GRM8: variants seen among roughly 807,000 people sequenced by gnomAD.
The protein encoded by GRM8 is glutamate metabotropic receptor 8, also known as metabotropic glutamate receptor 8.
A neutral mutation model predicts 87.2 loss-of-function variants in GRM8; 47 were observed. The ratio of observed to expected loss-of-function variants is 0.54; its 90% CI spans 0.43 to 0.69. The LOEUF (loss-of-function observed/expected upper bound fraction) is 0.69. Ranked by LOEUF, GRM8 falls within the 30% of genes least tolerant of loss-of-function variation. GRM8 has a pLI of 0.00. For missense variants in GRM8, 1,019 were observed against 1,139.2 expected (o/e 0.89, Z 1.52); for synonymous variants, 396 against 404.5 (o/e 0.98, Z 0.25).
At chr7:126,448,598 C>A (rs1312243906) in intron 9 of GRM8, among the ~76,000 whole-genome samples, 1 of 151,846 alleles carries the variant, frequency 6.6e-6, no homozygotes, top group Non-Finnish European at 1.5e-5. Context: ...ATGTAATAAA[C>A]ACAGATATTA....
intron 2 of GRM8, among the ~76,000 whole-genome samples, chr7:127,222,491 A>T (rs890344348): frequency 1.3e-5 from 2 of 152,170 alleles, no homozygotes; most frequent in African/African-American, 4.8e-5. Context: ...TTCTTGCTAC[A>T]TGTTCTAACT....
At chr7:126,731,385 G>C (rs1813567786) in intron 7 of GRM8, among the ~76,000 whole-genome samples, 1 of 151,962 alleles carries the variant, frequency 6.6e-6, no homozygotes, top group African/African-American at 2.4e-5. Flanking sequence ...ATCACCTTTT[G>C]CGTTTCCTGA....
At chr7:126,672,317 T>C (rs1806467934) in intron 7 of GRM8, among the ~76,000 whole-genome samples, 1 of 152,184 alleles carries the variant, frequency 6.6e-6, no homozygotes, top group Non-Finnish European at 1.5e-5. Flanking sequence ...AAGAGGATGC[T>C]CTTCCCTCTC....
intron 2 of GRM8, among the ~76,000 whole-genome samples, chr7:127,231,417 G>A (rs1797679294): frequency 6.6e-6 from 1 of 152,152 alleles, no homozygotes; most frequent in South Asian, 2.1e-4. Flanking sequence ...ATTGAAATGA[G>A]AATTTACTAG....
chr7:126,756,853 T>C (rs1817064374), intron 7 of GRM8, among the ~76,000 whole-genome samples: 1 of 152,106 alleles, frequency 6.6e-6, no homozygotes, highest in Non-Finnish European at 1.5e-5. Flanking sequence ...CACTCAATTT[T>C]GCTGTGAGAT....
chr7:126,448,269 C>G (rs369567246), intron 9 of GRM8, among the ~76,000 whole-genome samples: 1 of 151,844 alleles, frequency 6.6e-6, no homozygotes, highest in Non-Finnish European at 1.5e-5. Context: ...ACAAATCCAA[C>G]GACGAAACAG....
intron 9 of GRM8, among the ~76,000 whole-genome samples, chr7:126,458,624 T>C (rs1045400125): frequency 1.3e-5 from 2 of 151,234 alleles, no homozygotes. Flanking sequence ...GTAATAAAAT[T>C]ATCATTTTCA....
chr7:126,922,346 C>G (rs1292651226), intron 3 of GRM8, among the ~76,000 whole-genome samples: 1 of 152,012 alleles, frequency 6.6e-6, no homozygotes, highest in Admixed American at 6.6e-5. Flanking sequence ...TGTTCATACG[C>G]ACATCCATGT....
intron 3 of GRM8, chr7:127,095,579 C>A (rs1377181984): frequency 6.6e-6 from 1 of 152,166 alleles, no homozygotes; most frequent in African/African-American, 2.4e-5. Flanking sequence ...CTACATTCAA[C>A]TTTTTGCATT....
chr7:126,509,920 T>C (rs1028620586), intron 9 of GRM8, among the ~76,000 whole-genome samples: 1 of 151,968 alleles, frequency 6.6e-6, no homozygotes, highest in East Asian at 1.9e-4. Flanking sequence ...ATCTGAAAAA[T>C]AGGACAATTA....
At chr7:127,045,170 G>A (rs769128412) in intron 3 of GRM8, among the ~76,000 whole-genome samples, 17 of 152,276 alleles carry the variant, frequency 1.1e-4, no homozygotes, top group Admixed American at 3.3e-4. Context: ...GTCTATCACT[G>A]TGGATTAATT....
chr7:126,615,743 G>C (rs1799421060), intron 7 of GRM8, among the ~76,000 whole-genome samples: 1 of 152,130 alleles, frequency 6.6e-6, no homozygotes, highest in African/African-American at 2.4e-5. Flanking sequence ...TGATGAAACA[G>C]ACTTTAAACC....
At chr7:126,471,638 T>C (rs1449094085) in intron 9 of GRM8, among the ~76,000 whole-genome samples, 5 of 151,992 alleles carry the variant, frequency 3.3e-5, no homozygotes, top group African/African-American at 9.7e-5. Context: ...GCCTCCAGCT[T>C]TGTTCTTTTG....
chr7:126,722,012 A>C (rs1187511143), intron 7 of GRM8, among the ~76,000 whole-genome samples: 1 of 152,140 alleles, frequency 6.6e-6, no homozygotes, highest in Non-Finnish European at 1.5e-5. Flanking sequence ...GAGGTGACTA[A>C]TTTATATGCA....
At chr7:126,546,632 C>A (rs1817191189) in intron 8 of GRM8, among the ~76,000 whole-genome samples, 1 of 152,060 alleles carries the variant, frequency 6.6e-6, no homozygotes. Context: ...AAAGAAGCAG[C>A]AAAATAATTT....
At chr7:126,652,169 T>A (rs986076645) in intron 7 of GRM8, among the ~76,000 whole-genome samples, 4 of 152,256 alleles carry the variant, frequency 2.6e-5, no homozygotes, top group African/African-American at 9.6e-5. Context: ...ACATGTGACA[T>A]CAGATTTACT....
intron 3 of GRM8, among the ~76,000 whole-genome samples, chr7:126,954,633 T>C (rs1043551985): frequency 2.0e-5 from 3 of 152,208 alleles, no homozygotes; most frequent in Non-Finnish European, 2.9e-5. Context: ...TTTCTAACTG[T>C]GCTACTGAAG....
At chr7:126,475,843 G>C (rs781222248) in intron 9 of GRM8, among the ~76,000 whole-genome samples, 1 of 152,090 alleles carries the variant, frequency 6.6e-6, no homozygotes, top group Non-Finnish European at 1.5e-5. Flanking sequence ...TTTTACAAGG[G>C]TTCCAAAAAT....
intron 7 of GRM8, among the ~76,000 whole-genome samples, chr7:126,642,267 C>T (rs28620360): frequency 0.31 from 46,649 of 151,832 alleles, 8,003 homozygotes; most frequent in East Asian, 0.43. Flanking sequence ...ATCCCTGTGT[C>T]ACTTTCACTG....
Sources: gnomAD v4.1 joint callset for allele counts (sites outside exome capture counted in the v4.1 genomes callset) on GRCh38, gnomAD v4.1.1 for gene constraint, MANE v1.5 for transcripts, NCBI Gene and HGNC (gene_info 2026-07-23, HGNC 2026-07-21) for gene names.